Variants in MAJIN observed in about 807,000 individuals in gnomAD.
The protein encoded by MAJIN is membrane-anchored junction protein.
In MAJIN, 27 loss-of-function variants were observed where a neutral mutation model predicts 30.2. That is an observed-to-expected ratio of 0.89 (90% CI 0.66 to 1.23). The LOEUF (loss-of-function observed/expected upper bound fraction) is 1.23. Among genes scored for constraint, MAJIN ranks in the 50% most tolerant of loss-of-function variants. MAJIN has a pLI of 0.00. For missense variants in MAJIN, 253 were observed against 260.3 expected, an observed-to-expected ratio of 0.97 and a Z score of 0.19; for synonymous variants, 78 against 91.6, an observed-to-expected ratio of 0.85 and a Z score of 0.85.
At chr11:64,955,322 G>GA (rs35508935) in intron 3 of MAJIN, among the ~76,000 whole-genome samples, 80,561 of 150,438 alleles carry the variant, frequency 0.54, 23,199 homozygotes, top group Non-Finnish European at 0.66. Flanking sequence ...TGAGGAAGCA[G>GA]AAAAAAAAAG....
chr11:64,939,077 T>TTCCA (rs1182085069), intron 10 of MAJIN, among the ~76,000 whole-genome samples: 1 of 152,092 alleles, frequency 6.6e-6, no homozygotes, highest in African/African-American at 2.4e-5. Context: ...TTACAGAACA[T>TTCCA]TCCACCACAT....
chr11:64,970,462 G>A (rs1945882706), intron 1 of MAJIN, among the ~76,000 whole-genome samples: 2 of 143,314 alleles, frequency 1.4e-5, no homozygotes, highest in African/African-American at 5.2e-5. Flanking sequence ...CACCTCCTGG[G>A]TTCAAGCGAT....
chr11:64,949,844 G>A lies in MAJIN; in HGVS notation c.248C>T (p.Ser83Phe). 6.2e-7 allele frequency: 1 copy of A among 1,606,908 alleles called. No individual in the cohort carries two copies. Residue 83 changes from serine (S) to phenylalanine (F), a missense_variant, in exon 6 of 11, where the codon TCC (serine) becomes TTC (phenylalanine). Coordinates refer to ENST00000301896, the MANE Select transcript of MAJIN (RefSeq NM_001037225.3). ...TTCCCCATGTTTGAATTTCAGGTGG[G>A]AAACTCTCTCCCATTTGCTTTTATC... Reference protein sequence around the residue: ...FPYKSKWERVSHLKFKHGEII... With the variant: ...FPYKSKWERVFHLKFKHGEII...
At chr11:64,969,879 A>T (rs1297224414) in intron 1 of MAJIN, among the ~76,000 whole-genome samples, 1 of 152,260 alleles carries the variant, frequency 6.6e-6, no homozygotes, top group Middle Eastern at 3.4e-3. Context: ...CTAACTGAAG[A>T]GGTAAAAGCA....
intron 2 of MAJIN, 68 bp from the exon 3 acceptor site, chr11:64,959,490 TG>T: frequency 8.1e-7 from 1 of 1,232,844 alleles, no homozygotes; most frequent in South Asian, 1.3e-5. Flanking sequence ...AAAGGGAACC[TG>T]CCCAATCTGT....
intron 4 of MAJIN, chr11:64,954,477 A>G: frequency 2.0e-6 from 1 of 509,640 alleles, no homozygotes; most frequent in East Asian, 3.7e-5. Context: ...TCTCTATGCC[A>G]GCTGCAACAA....
chr11:64,938,232 ACT>A lies in MAJIN; in HGVS notation c.*341_*342del, dbSNP rs1945315915. Reference sequence around the variant, plus strand: ...TCTATTCCACTAAATTCAATCAATAACTCTTCATAAATAATTTATTGTCATTA... The same window carrying A: ...TCTATTCCACTAAATTCAATCAATAACTTCATAAATAATTTATTGTCATTA... On this transcript the variant is annotated 3_prime_UTR_variant, in exon 11 of 11. Coordinates refer to ENST00000301896, the MANE Select transcript of MAJIN (RefSeq NM_001037225.3). 1 of 342,070 alleles carries A rather than the reference ACT, an allele frequency of 2.9e-6. No homozygotes were observed. Among genetic ancestry groups the A allele is most frequent in the East Asian group, 5.2e-5 (1 of 19,150 alleles). 21.2% of individuals were successfully genotyped at this position (342,070 alleles called of 1,614,324 possible).
chr11:64,957,058 C>T (rs1254072416), intron 3 of MAJIN, among the ~76,000 whole-genome samples: 7 of 151,054 alleles, frequency 4.6e-5, no homozygotes, highest in African/African-American at 9.7e-5. Flanking sequence ...TGAGCCACCG[C>T]GCCTGGCCTG....
In MAJIN at chr11:64,969,492, T is replaced by TA. The variant is rs746932402; in HGVS notation, c.-65+2384dup. On this transcript the variant is annotated intron_variant, in intron 1 of 10. Transcript: ENST00000301896. ...ACGACATGACCAGATGGCTGTGACT[T>TA]AAAAAAAAAAAAAAATCCCTCCTGG... 6.0e-3 allele frequency among the ~76,000 whole-genome samples: 830 copies of TA among 138,924 alleles called. 2 individuals carry two copies. The highest frequency in any genetic ancestry group is 0.018 in the African/African-American group (663 of 37,728). 91.1% of individuals were successfully genotyped at this position (138,924 alleles called of 152,430 possible).
chr11:64,968,673 T>TA (rs970723416), intron 1 of MAJIN, among the ~76,000 whole-genome samples: 19 of 150,008 alleles, frequency 1.3e-4, no homozygotes, highest in African/African-American at 2.0e-4. Flanking sequence ...CTACTAAAAA[T>TA]AAAAAAAAAT....
chr11:64,953,713 C>T (rs1590698918), intron 4 of MAJIN, among the ~76,000 whole-genome samples: 1 of 152,182 alleles, frequency 6.6e-6, no homozygotes, highest in African/African-American at 2.4e-5. Context: ...ATCGCTGGAA[C>T]TTGGGAGATG....
chr11:64,950,748 A>AT (rs1365909333), intron 4 of MAJIN, among the ~76,000 whole-genome samples: 2 of 151,538 alleles, frequency 1.3e-5, no homozygotes, highest in Non-Finnish European at 2.9e-5. Flanking sequence ...CACCCATCTA[A>AT]TTTTTTTATT....
intron 1 of MAJIN, among the ~76,000 whole-genome samples, chr11:64,969,802 TCC>T (rs559248876): frequency 7.5e-4 from 114 of 151,986 alleles, no homozygotes; most frequent in African/African-American, 2.7e-3. Context: ...GCGATTCTCC[TCC>T]CTCAGTAATG....
chr11:64,939,340 T>C (rs1312463111), intron 10 of MAJIN, among the ~76,000 whole-genome samples: 4 of 152,184 alleles, frequency 2.6e-5, no homozygotes, highest in Admixed American at 6.5e-5. Flanking sequence ...CCTCAAGTGA[T>C]CCACCCGCCT....
chr11:64,970,492 A>G (rs11231913), intron 1 of MAJIN, among the ~76,000 whole-genome samples: 111,009 of 146,966 alleles, frequency 0.76, 42,016 homozygotes, highest in African/African-American at 0.78. Flanking sequence ...TCAGCCTCCC[A>G]AGTAGCTGGG....
Position 64,938,384 on chromosome 11 carries a change from T to C in MAJIN, c.*191A>G. On this transcript the variant is annotated 3_prime_UTR_variant, in exon 11 of 11. Coordinates refer to ENST00000301896, the MANE Select transcript of MAJIN (RefSeq NM_001037225.3). Reference sequence around the variant, plus strand: ...TATTATAAAGGGGCAAAGGACACGATAAAACCACAGAGGACTCAGCATGGG... The same window carrying C: ...TATTATAAAGGGGCAAAGGACACGACAAAACCACAGAGGACTCAGCATGGG... The C allele has an allele frequency of 6.7e-6, 6 of 897,278 alleles. No individual in the cohort carries two copies. The highest frequency in any genetic ancestry group is 8.6e-6 in the Non-Finnish European group (5 of 583,512). 55.6% of individuals were successfully genotyped at this position (897,278 alleles called of 1,614,324 possible).
intron 1 of MAJIN, among the ~76,000 whole-genome samples, chr11:64,961,678 G>A (rs1180367549): frequency 1.5e-4 from 23 of 150,042 alleles, no homozygotes; most frequent in African/African-American, 4.7e-4. Context: ...GGGTTTCACC[G>A]TGTTAGCCAG....
chr11:64,939,463 A>G (rs1945339979), intron 10 of MAJIN, among the ~76,000 whole-genome samples, 199 bp downstream of exon 10: 1 of 152,252 alleles, frequency 6.6e-6, no homozygotes, highest in South Asian at 2.1e-4. Context: ...GGGTTGTGTA[A>G]AAATAAGTAA....
chr11:64,971,025 C>T (rs1945892640), intron 1 of MAJIN, among the ~76,000 whole-genome samples: 1 of 152,066 alleles, frequency 6.6e-6, no homozygotes, highest in South Asian at 2.1e-4. Context: ...CCGGGCAAAG[C>T]GGCTCACACC....
Sources: allele counts gnomAD v4.1 joint callset (sites outside exome capture counted in the v4.1 genomes callset), GRCh38; gene constraint gnomAD v4.1.1; transcripts MANE v1.5; gene names NCBI Gene and HGNC (gene_info 2026-07-23, HGNC 2026-07-21).